The following CYFIP2 variants were observed in gnomAD, a reference collection of about 807,000 sequenced individuals.
CYFIP2 encodes the protein cytoplasmic FMR1 interacting protein 2.
CYFIP2 carries 29 observed loss-of-function variants against 158.7 expected under a neutral mutation model. That is an observed-to-expected ratio of 0.18 (90% CI 0.14 to 0.25). The LOEUF is 0.25. Ranked by LOEUF, CYFIP2 falls within the 10% of genes least tolerant of loss-of-function variation. The pLI is 1.00. For missense variants in CYFIP2, 852 were observed against 1,639.5 expected (o/e 0.52, Z 8.29); for synonymous variants, 585 against 617.6 (o/e 0.95, Z 0.78).
chr5:157,382,623 G>A lies in CYFIP2; in HGVS notation c.3073G>A (p.Ala1025Thr), dbSNP rs753824205. 6.8e-6 allele frequency: 11 copies of A among 1,613,786 alleles called. No homozygotes were observed. Among genetic ancestry groups the A allele is most frequent in the Middle Eastern group, 1.6e-4 (1 of 6,084 alleles). ...QEEVCDLLHA[A>T]PFQNILPRVY... ...GGAGGTCTGCGATTTGCTCCATGCC[G>A]CACCCTTCCAAAACATCTTGCCTAG... Residue 1025 changes from alanine (A) to threonine (T), a missense_variant, in exon 27 of 31, where the codon GCA (alanine) becomes ACA (threonine). By Grantham distance (58) the Ala-to-Thr change is moderately conservative. This residue lies in a region of CYFIP2 where 223 missense variants were observed against 381.6 expected (regional missense o/e 0.58). Coordinates refer to ENST00000620254, the MANE Select transcript of CYFIP2 (RefSeq NM_001037333.3).
chr5:157,268,637 C>A (rs1302717137), intron 1 of CYFIP2, among the ~76,000 whole-genome samples: 1 of 152,242 alleles, frequency 6.6e-6, no homozygotes, highest in Non-Finnish European at 1.5e-5. Context: ...CCCCAGGGGT[C>A]CACCAAAAGC....
intron 11 of CYFIP2, among the ~76,000 whole-genome samples, chr5:157,313,825 G>A (rs1173613407): frequency 1.3e-5 from 2 of 152,176 alleles, no homozygotes; most frequent in Non-Finnish European, 2.9e-5. Context: ...AGTGATTCAT[G>A]TCTAATGAGT....
At chr5:157,280,577 G>C (rs896092473) in intron 1 of CYFIP2, among the ~76,000 whole-genome samples, 1 of 151,632 alleles carries the variant, frequency 6.6e-6, no homozygotes, top group African/African-American at 2.4e-5. Context: ...AGTTACAGGA[G>C]AAAAAAAGGG....
chr5:157,323,861 C>A, intron 15 of CYFIP2, 60 bp from the exon 16 acceptor site: 2 of 1,442,316 alleles, frequency 1.4e-6, no homozygotes, highest in Non-Finnish European at 1.8e-6. Flanking sequence ...CATGAAGCAA[C>A]CTTTTTCCCC....
chr5:157,308,056 T>A (rs1447532927), intron 9 of CYFIP2, among the ~76,000 whole-genome samples, 191 bp downstream of exon 9: 1 of 152,006 alleles, frequency 6.6e-6, no homozygotes, highest in Non-Finnish European at 1.5e-5. Context: ...GATGGAGGCA[T>A]TTATGCCCTA....
At chr5:157,385,549 G>A (rs1766593825) in intron 28 of CYFIP2, among the ~76,000 whole-genome samples, 1 of 152,258 alleles carries the variant, frequency 6.6e-6, no homozygotes, top group East Asian at 1.9e-4. Flanking sequence ...GACCTGGTTT[G>A]TTGCCCCACA....
At chr5:157,375,169 G>A (rs998389774) in intron 26 of CYFIP2, among the ~76,000 whole-genome samples, 3 of 152,216 alleles carry the variant, frequency 2.0e-5, no homozygotes, top group Admixed American at 2.0e-4. Context: ...TATTAAAGAA[G>A]ATGATTGCCT....
At chr5:157,367,837 C>G (rs917851019) in intron 26 of CYFIP2, among the ~76,000 whole-genome samples, 2 of 150,320 alleles carry the variant, frequency 1.3e-5, no homozygotes, top group African/African-American at 4.9e-5. Context: ...TCACTGTAAC[C>G]TCCGCCTCCC....
intron 26 of CYFIP2, chr5:157,363,538 G>A (rs1764045647): frequency 6.5e-6 from 1 of 152,754 alleles, no homozygotes; most frequent in African/African-American, 2.4e-5. Context: ...TTTTTGAAGA[G>A]GCTGGAGCTT....
chr5:157,267,395 T>C (rs1755692269), intron 1 of CYFIP2, among the ~76,000 whole-genome samples: 1 of 152,178 alleles, frequency 6.6e-6, no homozygotes. Flanking sequence ...ACCTTACTCT[T>C]GGATACAGGC....
At chr5:157,381,227 AC>A (rs1262140863) in intron 26 of CYFIP2, among the ~76,000 whole-genome samples, 2 of 151,724 alleles carry the variant, frequency 1.3e-5, no homozygotes, top group Non-Finnish European at 2.9e-5. Context: ...CATAACCACT[AC>A]TCTGGATTTG....
intron 4 of CYFIP2, 110 bp from the exon 5 acceptor site, chr5:157,296,563 T>C (rs932636353): frequency 4.0e-6 from 4 of 996,942 alleles, no homozygotes; most frequent in Non-Finnish European, 6.2e-6. Flanking sequence ...CACTGCACTC[T>C]AGCCTGGACA....
At chr5:157,337,371 G>T (rs188895480) in intron 21 of CYFIP2, among the ~76,000 whole-genome samples, 3 of 152,246 alleles carry the variant, frequency 2.0e-5, no homozygotes, top group Admixed American at 2.0e-4. Context: ...ACATGGCAGC[G>T]GTCAGACGGG....
chr5:157,393,256 T>TC lies in CYFIP2; in HGVS notation c.*262dup. 2.8e-6 allele frequency: 1 copy of TC among 363,384 alleles called. No individual in the cohort carries two copies. Among genetic ancestry groups the TC allele is most frequent in the Non-Finnish European group, 4.9e-6 (1 of 202,472 alleles). 22.5% of individuals were successfully genotyped at this position (363,384 alleles called of 1,614,324 possible). A position where few individuals can be genotyped will look rare whatever the true frequency, so the allele number is the denominator to read the frequency against. Reference sequence around the variant, plus strand: ...AGGGCAGTGTGTGCTTTTTCTTTTCTCCCCCCTCAACTATATTAAGAACTC... The same window carrying TC: ...AGGGCAGTGTGTGCTTTTTCTTTTCTCCCCCCCTCAACTATATTAAGAACTC... On this transcript the variant is annotated 3_prime_UTR_variant, in exon 31 of 31. Transcript: ENST00000620254.
At chr5:157,380,968 A>G (rs914955900) in intron 26 of CYFIP2, among the ~76,000 whole-genome samples, 1 of 152,248 alleles carries the variant, frequency 6.6e-6, no homozygotes, top group Non-Finnish European at 1.5e-5. Context: ...TAATCCCAGC[A>G]CTTGGGTAGG....
Position 157,314,388 on chromosome 5 carries a change from G to C in CYFIP2, c.1155G>C (p.Glu385Asp). 6.2e-7 allele frequency: 1 copy of C among 1,613,944 alleles called. No individual in the cohort carries two copies. The highest frequency in any genetic ancestry group is 8.5e-7 in the Non-Finnish European group (1 of 1,179,868). ...SGLDSQKSDE[E>D]YRELFDLALR... ...TGGACAGCCAGAAGTCAGACGAGGAGTATCGCGAGCTCTTCGACCTAGCCC... is the reference window on the plus strand; with the variant it reads ...TGGACAGCCAGAAGTCAGACGAGGACTATCGCGAGCTCTTCGACCTAGCCC... Residue 385 changes from glutamate (E) to aspartate (D), a missense_variant, in exon 12 of 31, where the codon GAG becomes GAC. Glu to Asp is a conservative substitution (Grantham distance 45, BLOSUM62 2). Transcript: ENST00000620254.
intron 19 of CYFIP2, among the ~76,000 whole-genome samples, chr5:157,329,544 A>G (rs752813794): frequency 1.3e-5 from 2 of 152,248 alleles, no homozygotes; most frequent in African/African-American, 4.8e-5. Context: ...GTGGCCACAA[A>G]TATGAGCCAG....
At chr5:157,334,113 A>G (rs1031457800) in intron 21 of CYFIP2, among the ~76,000 whole-genome samples, 1 of 152,260 alleles carries the variant, frequency 6.6e-6, no homozygotes, top group Non-Finnish European at 1.5e-5. Flanking sequence ...CACCGTTAGA[A>G]CATAATAAAA....
intron 11 of CYFIP2, among the ~76,000 whole-genome samples, chr5:157,313,913 TA>T (rs1206838375): frequency 2.6e-5 from 4 of 152,146 alleles, no homozygotes; most frequent in Non-Finnish European, 5.9e-5. Flanking sequence ...TCCCATATAT[TA>T]AGAGTAAGAT....
Sources: gnomAD v4.1 joint callset for allele counts (sites outside exome capture counted in the v4.1 genomes callset) on GRCh38, gnomAD v4.1.1 for gene constraint, gnomAD v4.1.1 regional missense constraint, MANE v1.5 for transcripts, NCBI Gene and HGNC (gene_info 2026-07-23, HGNC 2026-07-21) for gene names.